NLGN1: variants seen among roughly 807,000 people sequenced by gnomAD.
The protein encoded by NLGN1 is neuroligin 1.
A neutral mutation model predicts 65.5 loss-of-function variants in NLGN1; 12 were observed. The ratio of observed to expected loss-of-function variants is 0.18; its 90% CI spans 0.12 to 0.30. The LOEUF (loss-of-function observed/expected upper bound fraction) is 0.30. NLGN1 is among the 10% of genes least tolerant of loss of function. NLGN1 has a pLI of 1.00. For synonymous variants in NLGN1, 350 were observed against 359.5 expected (o/e 0.97, Z 0.30); for missense variants, 750 against 1,007.1 (o/e 0.74, Z 3.46).
At chr3:173,604,986 A>G (rs575150492) in exon 3 of NLGN1, 2 of 1,613,530 alleles carry the variant, frequency 1.2e-6, no homozygotes, top group African/African-American at 1.3e-5. Context: ...GCCAGAAGTC[A>G]TGCTTCCTGT....
intron 4 of NLGN1, among the ~76,000 whole-genome samples, chr3:173,960,603 T>TA (rs1297025943): frequency 6.6e-6 from 1 of 151,984 alleles, no homozygotes; most frequent in Non-Finnish European, 1.5e-5. Flanking sequence ...ACTATAATTT[T>TA]AAAAAATTTT....
intron 4 of NLGN1, among the ~76,000 whole-genome samples, chr3:174,026,939 A>G (rs1025695931): frequency 2.8e-5 from 4 of 142,900 alleles, no homozygotes; most frequent in Non-Finnish European, 6.5e-5. Flanking sequence ...ATTGTAATTC[A>G]ATTCAAATAC....
At chr3:174,186,584 T>C (rs1731440171) in intron 4 of NLGN1, among the ~76,000 whole-genome samples, 1 of 152,032 alleles carries the variant, frequency 6.6e-6, no homozygotes, top group African/African-American at 2.4e-5. Flanking sequence ...AGCACTGTTT[T>C]TTACTCTGAG....
At chr3:173,928,531 A>G (rs1488824815) in intron 4 of NLGN1, among the ~76,000 whole-genome samples, 3 of 152,190 alleles carry the variant, frequency 2.0e-5, no homozygotes, top group African/African-American at 7.2e-5. Context: ...CTTAATATTC[A>G]TTGAATTGAA....
intron 4 of NLGN1, among the ~76,000 whole-genome samples, chr3:173,957,659 G>A (rs565497898): frequency 2.0e-5 from 3 of 152,244 alleles, no homozygotes; most frequent in Admixed American, 1.3e-4. Context: ...TGCTCCTTAC[G>A]GGTTGGACTC....
In NLGN1 at chr3:173,544,259, C is replaced by CGTGTGTGTGT. The variant is rs3980148; in HGVS notation, c.-320-59996_-320-59987dup. Among the ~76,000 whole-genome samples, 937 of 144,214 alleles carry CGTGTGTGTGT rather than the reference C, an allele frequency of 6.5e-3. 9 individuals are homozygous for CGTGTGTGTGT. Among genetic ancestry groups the CGTGTGTGTGT allele is most frequent in the African/African-American group, 0.016 (631 of 38,318 alleles). 94.6% of individuals were successfully genotyped at this position (144,214 alleles called of 152,430 possible). A position where few individuals can be genotyped will look rare whatever the true frequency, so the allele number is the denominator to read the frequency against. ...GTAGTAAAGTACCAAGATTATATTA[C>CGTGTGTGTGT]GTGTGTGTGTGTGTGTGTGTGTGTG... On this transcript the variant is annotated intron_variant, in intron 2 of 6. Transcript: ENST00000457714.
At chr3:173,845,040 C>T (rs756712235) in intron 4 of NLGN1, among the ~76,000 whole-genome samples, 2 of 152,144 alleles carry the variant, frequency 1.3e-5, no homozygotes, top group African/African-American at 2.4e-5. Context: ...TGGAGGAAGA[C>T]CACTGGATTA....
chr3:174,022,278 G>A (rs943968475), intron 4 of NLGN1, among the ~76,000 whole-genome samples: 18 of 152,196 alleles, frequency 1.2e-4, no homozygotes, highest in African/African-American at 4.1e-4. Context: ...GTTTGCTCTG[G>A]AACTGAGTTG....
chr3:173,396,066 C>G (rs553651399), upstream of NLGN1, among the ~76,000 whole-genome samples: 38 of 151,806 alleles, frequency 2.5e-4, no homozygotes, highest in African/African-American at 8.2e-4. Context: ...GCAGTGGCGG[C>G]GGCGGCGGCG....
At chr3:174,292,339 C>T in the NLGN1 span, among the ~76,000 whole-genome samples, 1 of 151,224 alleles carries the variant, frequency 6.6e-6, no homozygotes, top group Admixed American at 6.6e-5. Flanking sequence ...GGGAACAAAC[C>T]ATAGAAGGTG....
chr3:173,534,545 G>A (rs1737132970), intron 2 of NLGN1, among the ~76,000 whole-genome samples: 1 of 152,110 alleles, frequency 6.6e-6, no homozygotes, highest in Non-Finnish European at 1.5e-5. Flanking sequence ...CTATACTCTT[G>A]TATACAAGAA....
upstream of NLGN1, among the ~76,000 whole-genome samples, chr3:173,396,872 G>T (rs1287178165): frequency 2.0e-5 from 3 of 152,172 alleles, no homozygotes; most frequent in Non-Finnish European, 4.4e-5. Flanking sequence ...GGGGTGGGGG[G>T]TGCTGGAGGT....
chr3:173,866,359 A>T (rs1446008532), intron 4 of NLGN1, among the ~76,000 whole-genome samples: 2 of 152,110 alleles, frequency 1.3e-5, no homozygotes, highest in Non-Finnish European at 2.9e-5. Flanking sequence ...TCTCAAAAGA[A>T]ACAAACAAAC....
intron 4 of NLGN1, among the ~76,000 whole-genome samples, chr3:174,124,662 T>C (rs12486004): frequency 0.28 from 41,698 of 147,450 alleles, 8,030 homozygotes; most frequent in African/African-American, 0.56. Context: ...CTTATATATA[T>C]GTATATGTGT....
At chr3:174,281,371 T>C in exon 7 of NLGN1, 1 of 987,506 alleles carries the variant, frequency 1.0e-6, no homozygotes, top group African/African-American at 1.6e-5. Context: ...ATTCCTTGGC[T>C]TTCAACCTAC....
At position 174,051,913 on chromosome 3, in the gene NLGN1, G is replaced by A. The variant is rs115823719; in HGVS notation, c.647-223402G>A. 6.3e-3 allele frequency among the ~76,000 whole-genome samples: 959 copies of A among 152,024 alleles called. 23 individuals are homozygous for A. Among genetic ancestry groups the A allele is most frequent in the East Asian group, 0.039 (201 of 5,140 alleles). On this transcript the variant is annotated intron_variant, in intron 4 of 6. Transcript: ENST00000457714. Reference sequence around the variant, plus strand: ...ACACAATACAATTGAAAAAGGATGCGGATTCAGTGCTGGACAGTAATAGTT... The same window carrying A: ...ACACAATACAATTGAAAAAGGATGCAGATTCAGTGCTGGACAGTAATAGTT...
At chr3:174,132,043 T>C (rs979338663) in intron 4 of NLGN1, among the ~76,000 whole-genome samples, 4 of 152,202 alleles carry the variant, frequency 2.6e-5, no homozygotes, top group Non-Finnish European at 4.4e-5. Context: ...CATTCATAGT[T>C]GTTATTCTTC....
chr3:173,923,023 A>G (rs1003096004), intron 4 of NLGN1, among the ~76,000 whole-genome samples: 2 of 152,122 alleles, frequency 1.3e-5, no homozygotes, highest in African/African-American at 4.8e-5. Context: ...CATCATCGTC[A>G]TTATTGTAAC....
At chr3:174,146,132 CCTTCCTTCCTTCCTTCCTT>C (rs1723208671) in intron 4 of NLGN1, among the ~76,000 whole-genome samples, 2 of 147,478 alleles carry the variant, frequency 1.4e-5, no homozygotes, top group African/African-American at 5.3e-5. Context: ...TTCCTTCCTT[CCTTCCTTCCTTCCTTCCTT>C]CCTCTCTCCC....
Sources: allele counts gnomAD v4.1 joint callset (sites outside exome capture counted in the v4.1 genomes callset), GRCh38; gene constraint gnomAD v4.1.1; transcripts MANE v1.5; gene names NCBI Gene and HGNC (gene_info 2026-07-23, HGNC 2026-07-21).